Variants in CAD observed in about 807,000 individuals in gnomAD.
CAD encodes carbamoyl-phosphate synthetase 2, aspartate transcarbamylase, and dihydroorotase, also known as multifunctional protein CAD.
A neutral mutation model predicts 237.2 loss-of-function variants in CAD; 81 were observed. That is an observed-to-expected ratio of 0.34 (90% CI 0.29 to 0.41). The LOEUF (loss-of-function observed/expected upper bound fraction) is 0.41, where lower values mean the gene tolerates loss of function less well. CAD is among the 10% of genes least tolerant of loss of function. The probability of loss-of-function intolerance (pLI) is 1.00; values close to 1 mark genes in which losing one functional copy is unlikely to be tolerated. For synonymous variants in CAD, 1,196 were observed against 1,162.8 expected (o/e 1.03, Z -0.58); for missense variants, 2,181 against 2,951.7 (o/e 0.74, Z 6.05).
Position 27,233,944 on chromosome 2 carries a change from C to G in CAD, c.3400-64C>G. On this transcript the variant is annotated intron_variant, in intron 21 of 43. Coordinates refer to ENST00000264705, the MANE Select transcript of CAD (RefSeq NM_004341.5). The surrounding 1 kb of genome is among the most constrained non-coding windows in gnomAD (Gnocchi z 6.3). ...ATGTGGGGCTCGTTAAAGGAAGAGA[C>G]AATCCTAGAGTAAGTGAGAGAAGAA... 6.4e-7 allele frequency: 1 copy of G among 1,555,164 alleles called. No homozygotes were observed. Among genetic ancestry groups the G allele is most frequent in the Non-Finnish European group, 8.8e-7 (1 of 1,133,782 alleles).
At chr2:27,221,900 C>A (rs1675190269) in intron 3 of CAD, among the ~76,000 whole-genome samples, 1 of 146,146 alleles carries the variant, frequency 6.8e-6, no homozygotes, top group South Asian at 2.3e-4. Context: ...ATCTAGTATC[C>A]CATAGTCTGC....
rs755646381 is a variant in CAD, at chr2:27,237,747, T to C, written c.4593T>C (p.Phe1531=). The change falls in exon 29 of 44, where the codon TTT becomes TTC. Residue 1531 remains phenylalanine (F), a synonymous_variant. Transcript: ENST00000264705. The surrounding 1 kb of genome is among the most constrained non-coding windows in gnomAD (Gnocchi z 4.0). ...CAGAGGCTGGCGCCCGGTGCGACTT[T>C]GCGCTATTCCTTGGGGCCTCGTCTG... ...KLAEAGARCD[F]ALFLGASSEN... The C allele has an allele frequency of 6.2e-7, 1 of 1,614,116 alleles. No homozygotes were observed. Among genetic ancestry groups the C allele is most frequent in the Non-Finnish European group, 8.5e-7 (1 of 1,179,994 alleles).
In CAD at chr2:27,223,727, A is replaced by G. The variant is rs1553367013; in HGVS notation, c.974A>G (p.His325Arg). 6.2e-7 allele frequency: 1 copy of G among 1,614,220 alleles called. No individual in the cohort carries two copies. The highest frequency in any genetic ancestry group is 8.5e-7 in the Non-Finnish European group (1 of 1,180,032). The part of the protein sequence containing the change: ...ANDGSNEGIV[H>R]NSLPFFSVQF... ...GATGGTTCCAATGAAGGCATTGTGC[A>G]CAACAGCTTGCCTTTCTTCAGGTGA... Residue 325 changes from histidine to arginine, a missense_variant, in exon 7 of 44, where the codon CAC becomes CGC. His to Arg is a conservative substitution (Grantham distance 29). This residue lies in a region of CAD where 129 missense variants were observed against 143.3 expected (regional missense o/e 0.90). Transcript: ENST00000264705.
intron 11 of CAD, 58 bp from the exon 12 acceptor site, chr2:27,225,647 A>G (rs1323414777): frequency 3.4e-5 from 43 of 1,266,600 alleles, no homozygotes; most frequent in Non-Finnish European, 4.9e-5. Flanking sequence ...TATGTGGGAC[A>G]GGCACACCTT....
intron 2 of CAD, among the ~76,000 whole-genome samples, chr2:27,219,094 G>A (rs1675021404): frequency 6.6e-6 from 1 of 152,152 alleles, no homozygotes; most frequent in Non-Finnish European, 1.5e-5. Flanking sequence ...CTACAAAATT[G>A]AGGCCTGATT....
chr2:27,226,477 C>T (rs777907123), intron 13 of CAD, 48 bp from the exon 14 acceptor site: 2 of 1,608,380 alleles, frequency 1.2e-6, no homozygotes, highest in Non-Finnish European at 1.7e-6. Context: ...TGAGACCTCT[C>T]CTAGACAGGG....
chr2:27,221,780 T>TTTTTTTTTTTTTTA, intron 3 of CAD, among the ~76,000 whole-genome samples: 1 of 118,846 alleles, frequency 8.4e-6, no homozygotes, highest in Non-Finnish European at 1.7e-5. Flanking sequence ...TTTTTTTTTT[T>TTTTTTTTTTTTTTA]CTGTTCATTT....
In CAD at chr2:27,238,204, G is replaced by A; in HGVS notation, c.4860+17G>A. ...AAGGAGGAGGTAAGAGTACACCTGA[G>A]ATCCTGCTGTCCCTGTTGCTTTCCC... On this transcript the variant is annotated intron_variant, in intron 30 of 43. Transcript: ENST00000264705. The A allele has an allele frequency of 6.2e-7, 1 of 1,613,082 alleles. No individual in the cohort carries two copies. Among genetic ancestry groups the A allele is most frequent in the Non-Finnish European group, 8.5e-7 (1 of 1,179,666 alleles).
At chr2:27,217,738 C>G (rs928032836) in intron 1 of CAD, 105 bp downstream of exon 1, 1 of 1,432,374 alleles carries the variant, frequency 7.0e-7, no homozygotes, top group Non-Finnish European at 9.5e-7. Flanking sequence ...AGCGTACCCC[C>G]TTCCCCCATT....
At chr2:27,223,379 G>A (rs529159854) in intron 6 of CAD, among the ~76,000 whole-genome samples, 184 bp from the exon 7 acceptor site, 9 of 151,716 alleles carry the variant, frequency 5.9e-5, no homozygotes, top group South Asian at 4.2e-4. Context: ...TGCAGTGAGC[G>A]GAGATCGTGC....
rs747945234 is a variant in CAD at position 27,240,878 on chromosome 2, A to G, written c.5594-33A>G. 4.3e-6 allele frequency: 7 copies of G among 1,612,122 alleles called. No homozygotes were observed. The Admixed American group carries it at 1.2e-4, about 27-fold the overall frequency. On this transcript the variant is annotated intron_variant, in intron 35 of 43. Coordinates refer to ENST00000264705, the MANE Select transcript of CAD (RefSeq NM_004341.5). This position sits in a 1 kb window ranked among gnomAD's most constrained non-coding sequence, Gnocchi z 4.6. ...GGGTTTCTTTCCAAACCTCAGCCATAAATGTATATCTGTCCTCTTGTCCTG... is the reference window on the plus strand; with the variant it reads ...GGGTTTCTTTCCAAACCTCAGCCATGAATGTATATCTGTCCTCTTGTCCTG...
rs1022943148 is a variant in CAD at position 27,239,924 on chromosome 2, G to A, written c.5496+126G>A. ...TCTTGAGGGACTGAATTTGAAGTGG[G>A]GTTGGGTCAATTATTTTTTTAAAAT... On this transcript the variant is annotated intron_variant, in intron 34 of 43. Transcript: ENST00000264705. The surrounding 1 kb of genome is among the most constrained non-coding windows in gnomAD (Gnocchi z 4.0). 51 of 699,170 alleles carry A rather than the reference G, an allele frequency of 7.3e-5. No homozygotes were observed. In the Admixed American group the frequency reaches 1.6e-3, roughly 22 times the overall value. The allele number at this position is 699,170 out of a possible 1,614,324, so 43.3% of individuals were successfully genotyped here.
At position 27,241,007 on chromosome 2, in the gene CAD, TGGTA is replaced by T; in HGVS notation, c.5639-48_5639-45del. The T allele has an allele frequency of 6.2e-7, 1 of 1,614,018 alleles. No homozygotes were observed. Among genetic ancestry groups the T allele is most frequent in the Non-Finnish European group, 8.5e-7 (1 of 1,179,958 alleles). Reference sequence around the variant, plus strand: ...ACCTCGGGGACCTCTGATCTGGCCTTGGTAGGAGGAACCCTCTGACCAGCCTTTT... The same window carrying T: ...ACCTCGGGGACCTCTGATCTGGCCTTGGAGGAACCCTCTGACCAGCCTTTT... On this transcript the variant is annotated intron_variant, in intron 36 of 43. Transcript: ENST00000264705. This position sits in a 1 kb window ranked among gnomAD's most constrained non-coding sequence, Gnocchi z 4.6.
chr2:27,228,964 G>T (rs1326269113), intron 15 of CAD, among the ~76,000 whole-genome samples: 2 of 147,256 alleles, frequency 1.4e-5, no homozygotes, highest in Non-Finnish European at 3.0e-5. Context: ...CTGTCGCCAG[G>T]CTGGAGTGCA....
At chr2:27,224,712 G>T (rs1443106601) in intron 9 of CAD, 33 bp from the exon 10 acceptor site, 2 of 1,614,066 alleles carry the variant, frequency 1.2e-6, no homozygotes, top group Admixed American at 1.7e-5. Context: ...TGCTTCTTCA[G>T]CAGAGGCTGA....
In CAD at chr2:27,236,425, TCTTC is replaced by T; in HGVS notation, c.4220_4223del (p.Ser1407LeufsTer19). ...GCGTGGAGCTGGGGGCCGGCGTCTC[TCTTC>T]CTTTGTCACCAAGGGCTACCGCACC... On this transcript the variant is annotated frameshift_variant, in exon 26 of 44. Coordinates refer to ENST00000264705, the MANE Select transcript of CAD (RefSeq NM_004341.5). LOFTEE classifies it high-confidence loss of function. The surrounding 1 kb of genome is among the most constrained non-coding windows in gnomAD (Gnocchi z 4.1). The T allele has an allele frequency of 6.2e-7, 1 of 1,614,184 alleles. No individual in the cohort carries two copies. The highest frequency in any genetic ancestry group is 8.5e-7 in the Non-Finnish European group (1 of 1,180,040).
chr2:27,222,108 C>G, intron 3 of CAD, 86 bp from the exon 4 acceptor site: 1 of 1,374,846 alleles, frequency 7.3e-7, no homozygotes, highest in Non-Finnish European at 1.0e-6. Context: ...GACTGGGGCT[C>G]TGGAATGGAA....
intron 3 of CAD, among the ~76,000 whole-genome samples, 153 bp downstream of exon 3, chr2:27,221,500 C>A (rs1265569406): frequency 6.6e-6 from 1 of 152,176 alleles, no homozygotes; most frequent in African/African-American, 2.4e-5. Flanking sequence ...ATTGAACTAT[C>A]ACTCAGAAAG....
At chr2:27,238,027 A>G in intron 29 of CAD, 29 bp from the exon 30 acceptor site, 1 of 1,612,028 alleles carries the variant, frequency 6.2e-7, no homozygotes, top group Admixed American at 1.7e-5. Context: ...GATTCTGCAC[A>G]CTCCTTCATC....
Sources: gnomAD v4.1 joint callset for allele counts (sites outside exome capture counted in the v4.1 genomes callset) on GRCh38, gnomAD v4.1.1 for gene constraint, gnomAD v4.1.1 regional missense constraint, Gnocchi (gnomAD v3.1) non-coding constraint, MANE v1.5 for transcripts, NCBI Gene and HGNC (gene_info 2026-07-23, HGNC 2026-07-21) for gene names.